The following NRP1 variants were observed in gnomAD, a reference collection of about 807,000 sequenced individuals.
The protein encoded by NRP1 is neuropilin-1.
A neutral mutation model predicts 106.7 loss-of-function variants in NRP1; 35 were observed. The ratio of observed to expected loss-of-function variants is 0.33; its 90% CI spans 0.25 to 0.43. NRP1 has a LOEUF of 0.43. NRP1 is among the 20% of genes least tolerant of loss of function. The probability of loss-of-function intolerance (pLI) is 1.00; values close to 1 mark genes in which losing one functional copy is unlikely to be tolerated. For missense variants in NRP1, 1,024 were observed against 1,170.4 expected (o/e 0.87, Z 1.83); for synonymous variants, 437 against 417.9 (o/e 1.05, Z -0.56).
chr10:33,327,257 G>A (rs1243001492), intron 2 of NRP1, among the ~76,000 whole-genome samples: 1 of 152,072 alleles, frequency 6.6e-6, no homozygotes, highest in African/African-American at 2.4e-5. Flanking sequence ...TCACCAACTT[G>A]TTAAAGATAT....
At chr10:33,312,173 TA>T (rs929715752) in intron 2 of NRP1, among the ~76,000 whole-genome samples, 2 of 152,244 alleles carry the variant, frequency 1.3e-5, no homozygotes, top group African/African-American at 4.8e-5. Context: ...AATTATTTTT[TA>T]AATCAAGTTT....
At chr10:33,211,886 T>G (rs1838328037) in intron 9 of NRP1, 1 of 152,256 alleles carries the variant, frequency 6.6e-6, no homozygotes, top group Admixed American at 6.5e-5. Flanking sequence ...GCCAATTGTA[T>G]TGGTGTGAGA....
chr10:33,203,294 T>C (rs553935986), intron 10 of NRP1, among the ~76,000 whole-genome samples: 40 of 152,340 alleles, frequency 2.6e-4, no homozygotes, highest in Non-Finnish European at 5.6e-4. Context: ...GAATTCTCAC[T>C]GGTTATTTAT....
At chr10:33,302,087 A>G (rs1221993125) in intron 2 of NRP1, among the ~76,000 whole-genome samples, 1 of 152,206 alleles carries the variant, frequency 6.6e-6, no homozygotes, top group Admixed American at 6.5e-5. Context: ...GTCTCTGTAT[A>G]ATAAAAAAAA....
intron 4 of NRP1, among the ~76,000 whole-genome samples, chr10:33,261,956 G>A (rs1397503829): frequency 2.6e-5 from 4 of 152,146 alleles, no homozygotes; most frequent in Non-Finnish European, 5.9e-5. Context: ...GTCTGGTCTC[G>A]AACTCATGAC....
intron 6 of NRP1, among the ~76,000 whole-genome samples, chr10:33,240,765 G>A (rs999673487): frequency 4.6e-5 from 7 of 152,098 alleles, no homozygotes; most frequent in South Asian, 2.1e-4. Flanking sequence ...GATTAAAGTC[G>A]GCTGCCAGCC....
At chr10:33,279,895 A>G (rs1179600877) in intron 2 of NRP1, among the ~76,000 whole-genome samples, 1 of 152,190 alleles carries the variant, frequency 6.6e-6, no homozygotes, top group African/African-American at 2.4e-5. Context: ...ATGTCCTCTC[A>G]TCATAGTGAC....
At chr10:33,207,107 T>C (rs1392224115) in intron 10 of NRP1, among the ~76,000 whole-genome samples, 5 of 152,210 alleles carry the variant, frequency 3.3e-5, no homozygotes, top group African/African-American at 1.2e-4. Context: ...CTAAATAATA[T>C]TTAAAAGGCA....
intron 6 of NRP1, among the ~76,000 whole-genome samples, chr10:33,238,300 A>G (rs143011391): frequency 0.013 from 2,022 of 152,334 alleles, 53 homozygotes; most frequent in African/African-American, 0.046. Context: ...TGCTTTCTTT[A>G]AAGATTCACG....
Position 33,226,167 on chromosome 10 carries a change from G to A in NRP1, c.1104C>T (p.Asp368=). The part of the protein sequence containing the change: ...YKIDVSSNGE[D]WITIKEGNKP... ...TGTTTCCTTCTTTTATGGTGATCCA[G>A]TCTTCCCCGTTGGAGCTAACGTCGA... The change falls in exon 7 of 17, where the codon GAC becomes GAT. Residue 368 remains aspartate (D), a synonymous_variant. Transcript: ENST00000374867. 2 of 1,614,166 alleles carry A rather than the reference G, an allele frequency of 1.2e-6. No homozygotes were observed. Among genetic ancestry groups the A allele is most frequent in the East Asian group, 4.5e-5 (2 of 44,882 alleles).
intron 2 of NRP1, among the ~76,000 whole-genome samples, chr10:33,281,492 C>T (rs1844126224): frequency 6.6e-6 from 1 of 152,150 alleles, no homozygotes; most frequent in Non-Finnish European, 1.5e-5. Flanking sequence ...AAAGGCGGCT[C>T]CTCCATTAAG....
chr10:33,208,814 T>C (rs1838034397), intron 9 of NRP1, among the ~76,000 whole-genome samples: 1 of 151,362 alleles, frequency 6.6e-6, no homozygotes, highest in African/African-American at 2.4e-5. Context: ...TAGAACCTAA[T>C]CTATGATTCC....
chr10:33,334,419 A>C lies in NRP1; in HGVS notation c.-37T>G. 1 of 1,521,590 alleles carries C rather than the reference A, an allele frequency of 6.6e-7. No individual in the cohort carries two copies. Among genetic ancestry groups the C allele is most frequent in the Non-Finnish European group, 8.9e-7 (1 of 1,128,858 alleles). 94.3% of individuals were successfully genotyped at this position (1,521,590 alleles called of 1,614,324 possible). On this transcript the variant is annotated 5_prime_UTR_variant, in exon 1 of 17. Coordinates refer to ENST00000374867, the MANE Select transcript of NRP1 (RefSeq NM_003873.7). ...CGGGTCCGCAGGCAGACGCGGGAGA[A>C]CGAGGACGTGGGGGGAAATGCAGCA...
intron 2 of NRP1, among the ~76,000 whole-genome samples, chr10:33,330,124 A>G (rs189649326): frequency 2.0e-5 from 3 of 152,310 alleles, no homozygotes; most frequent in Admixed American, 2.0e-4. Context: ...ATTTTCCATA[A>G]AAGTATTTTA....
At chr10:33,246,949 A>G (rs1242378532) in intron 6 of NRP1, among the ~76,000 whole-genome samples, 1 of 152,178 alleles carries the variant, frequency 6.6e-6, no homozygotes, top group Non-Finnish European at 1.5e-5. Context: ...GAAACCAGCA[A>G]TTTGGTGAAA....
At chr10:33,278,307 T>A (rs925742015) in intron 2 of NRP1, among the ~76,000 whole-genome samples, 11 of 152,118 alleles carry the variant, frequency 7.2e-5, no homozygotes, top group Non-Finnish European at 1.6e-4. Flanking sequence ...GGACTCAAGG[T>A]TTTTGCTGTC....
chr10:33,293,577 C>T (rs561691746), intron 2 of NRP1, among the ~76,000 whole-genome samples: 3 of 152,288 alleles, frequency 2.0e-5, no homozygotes, highest in Non-Finnish European at 2.9e-5. Context: ...AAAGGTCACA[C>T]GACCAACCGT....
chr10:33,300,343 G>A (rs1271636439), intron 2 of NRP1, among the ~76,000 whole-genome samples: 1 of 152,224 alleles, frequency 6.6e-6, no homozygotes, highest in Non-Finnish European at 1.5e-5. Context: ...TCAACAAAGT[G>A]CATCTGTGTC....
intron 8 of NRP1, among the ~76,000 whole-genome samples, chr10:33,215,031 C>T (rs966219976): frequency 1.3e-5 from 2 of 152,174 alleles, no homozygotes; most frequent in Admixed American, 6.5e-5. Flanking sequence ...TTTACCCCGA[C>T]AATAGAAAAG....
Sources: allele counts gnomAD v4.1 joint callset (sites outside exome capture counted in the v4.1 genomes callset), GRCh38; gene constraint gnomAD v4.1.1; transcripts MANE v1.5; gene names NCBI Gene and HGNC (gene_info 2026-07-23, HGNC 2026-07-21).